The following BCR variants were observed in gnomAD, a reference collection of about 807,000 sequenced individuals.
The protein encoded by BCR is breakpoint cluster region protein.
A neutral mutation model predicts 138.6 loss-of-function variants in BCR; 58 were observed. The observed-to-expected ratio is 0.42, with a 90% CI of 0.34 to 0.52. The LOEUF (loss-of-function observed/expected upper bound fraction) is 0.52. Ranked by LOEUF, BCR falls within the 20% of genes least tolerant of loss-of-function variation. The pLI is 0.06. For missense variants in BCR, 1,599 were observed against 1,727.2 expected, an observed-to-expected ratio of 0.93 and a Z score of 1.32; for synonymous variants, 786 against 730.1, an observed-to-expected ratio of 1.08 and a Z score of -1.23.
chr22:23,257,694 G>T (rs992996721), intron 2 of BCR, among the ~76,000 whole-genome samples: 4 of 152,326 alleles, frequency 2.6e-5, no homozygotes, highest in South Asian at 2.1e-4. Context: ...CAGAGAGGGG[G>T]TGTCATAGGT....
rs79697694 is a variant in BCR, at chr22:23,219,876, G to T, written c.1280-33923G>T. The stretch of plus-strand genomic sequence containing the variant: ...TGTAACCTGTTTCCCTCCTCCGGCC[G>T]CTCTCAGCCGCTCCTTCATGCCTCC... On this transcript the variant is annotated intron_variant, in intron 1 of 22. Transcript: ENST00000305877. Among the ~76,000 whole-genome samples, 26 of 149,460 alleles carry T rather than the reference G, an allele frequency of 1.7e-4. 2 individuals are homozygous for T. The highest frequency in any genetic ancestry group is 6.8e-3 in the Middle Eastern group (2 of 294).
chr22:23,192,584 C>T (rs976741812), intron 1 of BCR, among the ~76,000 whole-genome samples: 1 of 152,168 alleles, frequency 6.6e-6, no homozygotes, highest in African/African-American at 2.4e-5. Context: ...AACATGTTTC[C>T]CCTCTCATTT....
chr22:23,249,410 C>T (rs992319059), intron 1 of BCR, among the ~76,000 whole-genome samples: 7 of 142,108 alleles, frequency 4.9e-5, no homozygotes, highest in East Asian at 2.1e-4. Context: ...CCAGCCTGGA[C>T]GACAGAGCAA....
intron 1 of BCR, among the ~76,000 whole-genome samples, chr22:23,237,381 G>A (rs1416718543): frequency 6.6e-6 from 1 of 152,232 alleles, no homozygotes; most frequent in Admixed American, 6.5e-5. Context: ...CCCGAGCCTG[G>A]CCGATTGGGA....
chr22:23,315,357 G>C (rs574998808), intron 22 of BCR, 76 bp from the exon 23 acceptor site: 2 of 1,371,884 alleles, frequency 1.5e-6, no homozygotes, highest in East Asian at 2.3e-5. Context: ...TGGAGGCTTG[G>C]GCCCCAAAGA....
intron 12 of BCR, among the ~76,000 whole-genome samples, chr22:23,288,844 G>A (rs948529423): frequency 1.7e-4 from 26 of 152,178 alleles, no homozygotes; most frequent in South Asian, 6.2e-4. Flanking sequence ...AGGCAGACCC[G>A]GTTCCCTCCT....
intron 16 of BCR, among the ~76,000 whole-genome samples, chr22:23,309,016 AC>A: frequency 6.6e-6 from 1 of 152,184 alleles, no homozygotes; most frequent in Non-Finnish European, 1.5e-5. Flanking sequence ...AACAGTGTCC[AC>A]AATTCCCCAG....
chr22:23,217,407 AG>A (rs2072768417), intron 1 of BCR, among the ~76,000 whole-genome samples: 1 of 152,230 alleles, frequency 6.6e-6, no homozygotes, highest in Non-Finnish European at 1.5e-5. Flanking sequence ...GGTACCTTCA[AG>A]CTCTGGTGCT....
rs143007437 is a variant in BCR at position 23,287,547 on chromosome 22, C to A, written c.2526+269C>A. On this transcript the variant is annotated intron_variant, in intron 11 of 22. Transcript: ENST00000305877. ...GGGAGCCTAGCAGGTTTGTGCAGAT[C>A]TGGCCCTTGGTACAGGGATGCTGTC... Among the ~76,000 whole-genome samples the A allele has an allele frequency of 2.2e-3, 329 of 152,344 alleles. 2 individuals are homozygous for A. Among genetic ancestry groups the A allele is most frequent in the African/African-American group, 7.5e-3 (313 of 41,578 alleles).
chr22:23,187,500 T>TCTC (rs1491340419), intron 1 of BCR, among the ~76,000 whole-genome samples: 29 of 126,518 alleles, frequency 2.3e-4, no homozygotes, highest in African/African-American at 9.7e-4. Context: ...TCTCTCTCTC[T>TCTC]TTTTTTTTTT....
In BCR at chr22:23,181,600, A is replaced by G; in HGVS notation, c.640A>G (p.Lys214Glu). 4 of 1,612,528 alleles carry G rather than the reference A, an allele frequency of 2.5e-6. No individual in the cohort carries two copies. The highest frequency in any genetic ancestry group is 3.4e-6 in the Non-Finnish European group (4 of 1,179,974). Residue 214 changes from lysine (K) to glutamate (E), a missense_variant, in exon 1 of 23, where the codon AAG becomes GAG. By Grantham distance (56) the Lys-to-Glu change is moderately conservative. Transcript: ENST00000305877. ...CCAGGCCATGCAGATGGAGCGCAAA[A>G]AGTCCCAGCACGGCGCGGGCTCGAG... ...GSQAMQMERK[K>E]SQHGAGSSVG...
At position 23,198,963 on chromosome 22, in the gene BCR, T is replaced by TA. The variant is rs200587268; in HGVS notation, c.1279+16725dup. ...GGCGAAACCCGGTCTCTATTACAAA[T>TA]ACACAAAAATTAGCTGGACGTGGGG... On this transcript the variant is annotated intron_variant, in intron 1 of 22. Coordinates refer to ENST00000305877, the MANE Select transcript of BCR (RefSeq NM_004327.4). 8.2e-3 allele frequency among the ~76,000 whole-genome samples: 1,243 copies of TA among 151,960 alleles called. 24 individuals are homozygous for TA. The highest frequency in any genetic ancestry group is 0.028 in the African/African-American group (1,178 of 41,404).
intron 1 of BCR, among the ~76,000 whole-genome samples, chr22:23,198,762 C>T (rs189214358): frequency 1.3e-5 from 2 of 152,222 alleles, no homozygotes; most frequent in East Asian, 1.9e-4. Context: ...GGCATCTTGT[C>T]GTGGAGCAGT....
At chr22:23,246,828 C>T (rs2073162877) in intron 1 of BCR, among the ~76,000 whole-genome samples, 1 of 152,046 alleles carries the variant, frequency 6.6e-6, no homozygotes, top group South Asian at 2.1e-4. Context: ...ACTTACCTCC[C>T]TGAAGCACTA....
intron 16 of BCR, among the ~76,000 whole-genome samples, chr22:23,305,805 G>A (rs929564356): frequency 1.3e-5 from 2 of 152,118 alleles, no homozygotes; most frequent in African/African-American, 2.4e-5. Context: ...CCCAGTCCCC[G>A]GCCAGGCAGC....
chr22:23,246,581 A>C (rs1362790279), intron 1 of BCR, among the ~76,000 whole-genome samples: 2 of 152,248 alleles, frequency 1.3e-5, no homozygotes, highest in Non-Finnish European at 2.9e-5. Flanking sequence ...ATGAAAGTTG[A>C]CCCAGCAGGC....
chr22:23,248,557 G>C (rs1382982714), intron 1 of BCR, among the ~76,000 whole-genome samples: 1 of 152,002 alleles, frequency 6.6e-6, no homozygotes, highest in Non-Finnish European at 1.5e-5. Context: ...TTTTTTGGCT[G>C]CCCTTTTTCC....
chr22:23,181,518 C>T lies in BCR; in HGVS notation c.558C>T (p.Arg186=). Reference sequence around the variant, plus strand: ...TGAACGTCGAGTTTCACCACGAGCGCGGCCTGGTGAAGGTCAACGACAAAG... The same window carrying T: ...TGAACGTCGAGTTTCACCACGAGCGTGGCCTGGTGAAGGTCAACGACAAAG... The part of the protein sequence containing the change: ...FYVNVEFHHE[R]GLVKVNDKEV... Residue 186 remains arginine (R), a synonymous_variant, in exon 1 of 23, where the codon CGC becomes CGT. Coordinates refer to ENST00000305877, the MANE Select transcript of BCR (RefSeq NM_004327.4). 1.2e-6 allele frequency: 2 copies of T among 1,612,700 alleles called. No individual in the cohort carries two copies.
chr22:23,295,856 C>A (rs1018930548), intron 16 of BCR, among the ~76,000 whole-genome samples: 1 of 152,130 alleles, frequency 6.6e-6, no homozygotes, highest in African/African-American at 2.4e-5. Flanking sequence ...CCCACCCTCA[C>A]AATTGCGCGG....
Sources: allele counts gnomAD v4.1 joint callset (sites outside exome capture counted in the v4.1 genomes callset), GRCh38; gene constraint gnomAD v4.1.1; transcripts MANE v1.5; gene names NCBI Gene and HGNC (gene_info 2026-07-23, HGNC 2026-07-21).